Variants in SNTB1 observed in about 807,000 individuals in gnomAD.
SNTB1 encodes the protein syntrophin beta 1.
In SNTB1, 36 loss-of-function variants were observed where a neutral mutation model predicts 48.9. That is an observed-to-expected ratio of 0.74 (90% CI 0.56 to 0.97). The LOEUF (loss-of-function observed/expected upper bound fraction) is 0.97. Among genes scored for constraint, SNTB1 ranks in the 50% least tolerant of loss-of-function variants. SNTB1 has a pLI of 0.00. For synonymous variants in SNTB1, 299 were observed against 294.6 expected (o/e 1.01, Z -0.15); for missense variants, 786 against 703.4 (o/e 1.12, Z -1.33).
chr8:120,787,005 C>A (rs988888406), intron 1 of SNTB1, among the ~76,000 whole-genome samples: 1 of 152,186 alleles, frequency 6.6e-6, no homozygotes, highest in Non-Finnish European at 1.5e-5. Context: ...GAGACCTCTG[C>A]CATTCCAGCC....
chr8:120,802,270 A>G (rs1356791923), intron 1 of SNTB1, among the ~76,000 whole-genome samples: 3 of 152,174 alleles, frequency 2.0e-5, no homozygotes, highest in South Asian at 4.1e-4. Context: ...TAATATTTCC[A>G]CATTTCCATA....
chr8:120,728,559 T>C (rs559251543), intron 1 of SNTB1, among the ~76,000 whole-genome samples: 4 of 152,170 alleles, frequency 2.6e-5, no homozygotes, highest in Non-Finnish European at 4.4e-5. Flanking sequence ...ACCCAATGTT[T>C]AGCTCCCGCT....
rs1332999627 is a variant in SNTB1, at chr8:120,548,915, C to T, written c.1180G>A (p.Val394Met). 1 of 1,608,492 alleles carries T rather than the reference C, an allele frequency of 6.2e-7. No individual in the cohort carries two copies. The highest frequency in any genetic ancestry group is 1.3e-5 in the African/African-American group (1 of 74,882). Residue 394 changes from valine (V) to methionine (M), a missense_variant, in exon 5 of 7, where the codon GTG (valine) becomes ATG (methionine). Val to Met is a conservative substitution (Grantham distance 21). Transcript: ENST00000517992. The part of the protein sequence containing the change: ...GPGKGSPQAG[V>M]DLSFATRTGT... ...GTTCGCGTTGCAAAGGACAGATCCA[C>T]ACCAGCCTGGGGTGATCCCTTTCCT...
At position 120,766,298 on chromosome 8, in the gene SNTB1, C is replaced by T. The variant is rs1421241659; in HGVS notation, c.571+44975G>A. Among the ~76,000 whole-genome samples, 3 of 152,026 alleles carry T rather than the reference C, an allele frequency of 2.0e-5. No homozygotes were observed. In the East Asian group the frequency reaches 5.8e-4, roughly 29 times the overall value. ...GATTCAGAAAGGATAAATAATTGGC[C>T]AAACTACTAAATATCAGAGCCATGA... On this transcript the variant is annotated intron_variant, in intron 1 of 6. Coordinates refer to ENST00000517992, the MANE Select transcript of SNTB1 (RefSeq NM_021021.4).
intron 1 of SNTB1, among the ~76,000 whole-genome samples, chr8:120,706,128 A>G (rs972214055): frequency 2.0e-5 from 3 of 152,194 alleles, no homozygotes; most frequent in Non-Finnish European, 4.4e-5. Flanking sequence ...CTTATCACTC[A>G]AATTTAAATA....
In SNTB1 at chr8:120,811,325, G is replaced by A; in HGVS notation, c.519C>T (p.His173=). Residue 173 remains histidine, a synonymous_variant, in exon 1 of 7, where the codon CAC becomes CAT. Coordinates refer to ENST00000517992, the MANE Select transcript of SNTB1 (RefSeq NM_021021.4). ...VNGADLRDAT[H]DEAVQALKRA... is the part of the protein sequence containing the mutation. The stretch of plus-strand genomic sequence containing the variant: ...GCTTCAACGCCTGCACCGCCTCGTC[G>A]TGGGTGGCGTCCCGCAGGTCGGCTC... 2 of 1,611,308 alleles carry A rather than the reference G, an allele frequency of 1.2e-6. No homozygotes were observed. The highest frequency in any genetic ancestry group is 1.7e-6 in the Non-Finnish European group (2 of 1,179,746).
intron 1 of SNTB1, among the ~76,000 whole-genome samples, chr8:120,704,086 T>C (rs1210001729): frequency 3.9e-5 from 6 of 152,204 alleles, no homozygotes; most frequent in Non-Finnish European, 8.8e-5. Context: ...ATGCTGCCTC[T>C]AAACATATGC....
intron 2 of SNTB1, among the ~76,000 whole-genome samples, chr8:120,652,595 A>C (rs1817426959): frequency 6.6e-6 from 1 of 151,658 alleles, no homozygotes; most frequent in African/African-American, 2.4e-5. Flanking sequence ...TGACTCATAC[A>C]CTGACCTCAA....
At position 120,537,223 on chromosome 8, in the gene SNTB1, TGTG is replaced by T. The variant is rs1815216287; in HGVS notation, c.*1651_*1653del. 6.6e-6 allele frequency: 1 copy of T among 150,950 alleles called. No individual in the cohort carries two copies. Among genetic ancestry groups the T allele is most frequent in the Non-Finnish European group, 1.5e-5 (1 of 67,844 alleles). 9.4% of individuals were successfully genotyped at this position (150,950 alleles called of 1,614,324 possible). Reference sequence around the variant, plus strand: ...ATTAGAAAAGAGTCCTGTAGGTAAGTGTGAGGAATGGTTCACCGGATTTCGCCT... The same window carrying T: ...ATTAGAAAAGAGTCCTGTAGGTAAGTAGGAATGGTTCACCGGATTTCGCCT... On this transcript the variant is annotated 3_prime_UTR_variant, in exon 7 of 7. Coordinates refer to ENST00000517992, the MANE Select transcript of SNTB1 (RefSeq NM_021021.4).
intron 3 of SNTB1, among the ~76,000 whole-genome samples, chr8:120,580,377 A>G (rs1183701900): frequency 2.6e-5 from 4 of 152,182 alleles, no homozygotes; most frequent in Admixed American, 1.3e-4. Flanking sequence ...GCACTTGTTC[A>G]CTGATGTGTC....
At chr8:120,736,661 C>T (rs762654614) in intron 1 of SNTB1, among the ~76,000 whole-genome samples, 4 of 152,198 alleles carry the variant, frequency 2.6e-5, no homozygotes, top group Non-Finnish European at 5.9e-5. Flanking sequence ...ACCTCTCCCT[C>T]ACCCTGGGCT....
intron 2 of SNTB1, among the ~76,000 whole-genome samples, chr8:120,671,441 G>C (rs1817756145): frequency 2.0e-5 from 3 of 152,204 alleles, no homozygotes. Flanking sequence ...TACAGAGAAG[G>C]CCAGTAAAGA....
intron 3 of SNTB1, among the ~76,000 whole-genome samples, chr8:120,583,133 A>C (rs1401092717): frequency 6.6e-6 from 1 of 152,144 alleles, no homozygotes; most frequent in Non-Finnish European, 1.5e-5. Context: ...TATAGCATTA[A>C]ATGTACGATA....
intron 4 of SNTB1, among the ~76,000 whole-genome samples, chr8:120,557,513 T>C (rs984495672): frequency 1.3e-5 from 2 of 152,226 alleles, no homozygotes; most frequent in African/African-American, 2.4e-5. Context: ...GGTAAGAAGA[T>C]AGATGTTGGG....
intron 3 of SNTB1, among the ~76,000 whole-genome samples, chr8:120,591,250 A>T (rs12675712): frequency 0.91 from 138,634 of 152,274 alleles, 63,212 homozygotes; most frequent in Middle Eastern, 0.96. Flanking sequence ...CATATTTCAC[A>T]TCTAACAATT....
intron 1 of SNTB1, among the ~76,000 whole-genome samples, chr8:120,802,635 A>C (rs529297195): frequency 6.6e-6 from 1 of 152,288 alleles, no homozygotes; most frequent in South Asian, 2.1e-4. Flanking sequence ...ACCCCTAAAC[A>C]ACTTTATATA....
rs375674465 is a variant in SNTB1 at position 120,593,806 on chromosome 8, C to T, written c.997-18581G>A. ...TAAATCACCTCATCTGGAAAGCTATCTGGGGATTCTATTTTTAAAGCTGGC... is the reference window on the plus strand; with the variant it reads ...TAAATCACCTCATCTGGAAAGCTATTTGGGGATTCTATTTTTAAAGCTGGC... On this transcript the variant is annotated intron_variant, in intron 3 of 6. Transcript: ENST00000517992. Among the ~76,000 whole-genome samples, 14 of 152,242 alleles carry T rather than the reference C, an allele frequency of 9.2e-5. No homozygotes were observed. The South Asian group carries it at 2.7e-3, about 29-fold the overall frequency.
chr8:120,575,430 T>C (rs1385574741), intron 3 of SNTB1, among the ~76,000 whole-genome samples: 3 of 152,216 alleles, frequency 2.0e-5, no homozygotes, highest in Non-Finnish European at 4.4e-5. Flanking sequence ...CTGAAATGTA[T>C]AGTCAGGACA....
At chr8:120,721,669 C>T (rs974841630) in intron 1 of SNTB1, among the ~76,000 whole-genome samples, 1 of 151,560 alleles carries the variant, frequency 6.6e-6, no homozygotes, top group Non-Finnish European at 1.5e-5. Context: ...ATATAGGTTT[C>T]CTTAGGGAAA....
Sources: gnomAD v4.1 joint callset for allele counts (sites outside exome capture counted in the v4.1 genomes callset) on GRCh38, gnomAD v4.1.1 for gene constraint, MANE v1.5 for transcripts, NCBI Gene and HGNC (gene_info 2026-07-23, HGNC 2026-07-21) for gene names.